ELOVL6: variants seen among roughly 807,000 people sequenced by gnomAD.
The protein encoded by ELOVL6 is ELOVL fatty acid elongase 6, also known as very long chain fatty acid elongase 6.
In ELOVL6, 8 loss-of-function variants were observed where a neutral mutation model predicts 31.7. The ratio of observed to expected loss-of-function variants is 0.25; its 90% CI spans 0.15 to 0.45. The LOEUF is 0.45. Among genes scored for constraint, ELOVL6 ranks in the 20% least tolerant of loss-of-function variants. The pLI is 1.00. For missense variants in ELOVL6, 126 were observed against 326.4 expected, an observed-to-expected ratio of 0.39 and a Z score of 4.73; for synonymous variants, 101 against 117.7, an observed-to-expected ratio of 0.86 and a Z score of 0.92.
At chr4:110,084,146 GATAT>G (rs1181726024) in intron 2 of ELOVL6, among the ~76,000 whole-genome samples, 1 of 64,770 alleles carries the variant, frequency 1.5e-5, no homozygotes, top group East Asian at 5.8e-4. Context: ...TGATATATAT[GATAT>G]ATATAACATA....
At chr4:110,124,650 C>T (rs1333491292) in intron 1 of ELOVL6, among the ~76,000 whole-genome samples, 1 of 151,832 alleles carries the variant, frequency 6.6e-6, no homozygotes, top group Non-Finnish European at 1.5e-5. Context: ...AGCAAACCAC[C>T]ATGGCACATG....
chr4:110,159,774 C>T (rs1323589044), intron 1 of ELOVL6, among the ~76,000 whole-genome samples: 1 of 152,186 alleles, frequency 6.6e-6, no homozygotes, highest in Non-Finnish European at 1.5e-5. Context: ...ACACTTTCAA[C>T]AGCACATTTC....
At chr4:110,139,606 G>A (rs965724623) in intron 1 of ELOVL6, among the ~76,000 whole-genome samples, 1 of 152,074 alleles carries the variant, frequency 6.6e-6, no homozygotes, top group Admixed American at 6.6e-5. Context: ...GGAGAGAATT[G>A]CTATATAGCT....
intron 1 of ELOVL6, among the ~76,000 whole-genome samples, chr4:110,166,488 C>CT (rs962083689): frequency 6.6e-6 from 1 of 152,072 alleles, no homozygotes; most frequent in Non-Finnish European, 1.5e-5. Flanking sequence ...GGTACGCGCC[C>CT]TGTAGTCCCA....
At chr4:110,054,416 AACGCAG>A (rs1341138620) in intron 3 of ELOVL6, among the ~76,000 whole-genome samples, 4 of 152,210 alleles carry the variant, frequency 2.6e-5, no homozygotes, top group Non-Finnish European at 5.9e-5. Context: ...TGTGGACAAT[AACGCAG>A]ACACAATCAA....
At chr4:110,073,783 G>A (rs62325299) in intron 2 of ELOVL6, among the ~76,000 whole-genome samples, 36,132 of 152,126 alleles carry the variant, frequency 0.24, 4,470 homozygotes, top group Non-Finnish European at 0.26. Context: ...AGGAAAAGCC[G>A]GTTTCCATCT....
intron 1 of ELOVL6, among the ~76,000 whole-genome samples, chr4:110,119,083 TA>T (rs1690341469): frequency 6.6e-6 from 1 of 151,996 alleles, no homozygotes; most frequent in African/African-American, 2.4e-5. Flanking sequence ...TTAAAATTAA[TA>T]AAAATTGAGA....
intron 1 of ELOVL6, among the ~76,000 whole-genome samples, chr4:110,157,599 A>T (rs1439480527): frequency 6.6e-6 from 1 of 151,914 alleles, no homozygotes; most frequent in Non-Finnish European, 1.5e-5. Flanking sequence ...TGAACCTGGG[A>T]GGCGGAGGTT....
intron 1 of ELOVL6, among the ~76,000 whole-genome samples, chr4:110,184,533 G>A (rs1328005374): frequency 4.6e-5 from 7 of 152,108 alleles, no homozygotes; most frequent in Admixed American, 4.6e-4. Context: ...TTAAAACAAC[G>A]GGAAACCACT....
At chr4:110,119,079 T>A (rs573952212) in intron 1 of ELOVL6, among the ~76,000 whole-genome samples, 8 of 152,196 alleles carry the variant, frequency 5.3e-5, no homozygotes, top group Non-Finnish European at 2.9e-5. Flanking sequence ...TTAATTAAAA[T>A]TAATAAAAAT....
intron 1 of ELOVL6, among the ~76,000 whole-genome samples, chr4:110,117,389 T>C (rs1757196992): frequency 6.6e-6 from 1 of 152,212 alleles, no homozygotes; most frequent in African/African-American, 2.4e-5. Context: ...ACACTCAGGC[T>C]GAATTGCTTC....
chr4:110,198,074 A>AACC (rs1759868231), intron 1 of ELOVL6, 173 bp downstream of exon 1: 1 of 392,600 alleles, frequency 2.5e-6, no homozygotes, highest in Non-Finnish European at 4.7e-6. Flanking sequence ...CGCTTCATGT[A>AACC]CCCCCCCCCC....
chr4:110,093,789 A>AC (rs1756488479), intron 2 of ELOVL6, among the ~76,000 whole-genome samples: 1 of 152,194 alleles, frequency 6.6e-6, no homozygotes, highest in African/African-American at 2.4e-5. Context: ...CCACAGAAGT[A>AC]ATACATACAG....
At chr4:110,060,979 G>A (rs1755119955) in intron 2 of ELOVL6, among the ~76,000 whole-genome samples, 1 of 152,220 alleles carries the variant, frequency 6.6e-6, no homozygotes, top group Non-Finnish European at 1.5e-5. Flanking sequence ...ACTTTCTACA[G>A]TATCAAAATA....
intron 2 of ELOVL6, among the ~76,000 whole-genome samples, chr4:110,083,892 A>C (rs1039017741): frequency 9.4e-5 from 13 of 138,656 alleles, no homozygotes; most frequent in Non-Finnish European, 7.6e-5. Flanking sequence ...ATATATATAG[A>C]TAATATATAT....
chr4:110,127,760 T>C (rs920454345), intron 1 of ELOVL6, among the ~76,000 whole-genome samples: 1 of 152,218 alleles, frequency 6.6e-6, no homozygotes, highest in African/African-American at 2.4e-5. Context: ...GACTTTTGAT[T>C]CATTCATTCT....
rs191607470 is a variant in ELOVL6 at position 110,134,973 on chromosome 4, T to C, written c.90-29345A>G. On this transcript the variant is annotated intron_variant, in intron 1 of 3. Coordinates refer to ENST00000302274, the MANE Select transcript of ELOVL6 (RefSeq NM_024090.3). ...CTGTCTCCAGAAAAAAAAGTGATGA[T>C]GTAGGACATAAGGTGGAAGAGGAAC... 5.3e-5 allele frequency among the ~76,000 whole-genome samples: 8 copies of C among 152,114 alleles called. No homozygotes were observed. The East Asian group carries it at 1.2e-3, about 22-fold the overall frequency.
At chr4:110,082,070 C>T (rs959495858) in intron 2 of ELOVL6, among the ~76,000 whole-genome samples, 1 of 146,126 alleles carries the variant, frequency 6.8e-6, no homozygotes, top group African/African-American at 2.5e-5. Flanking sequence ...GTTAGAATGG[C>T]AATCATTAAA....
intron 2 of ELOVL6, among the ~76,000 whole-genome samples, chr4:110,072,488 TGTACTA>T (rs755870128): frequency 2.6e-4 from 39 of 152,214 alleles, no homozygotes; most frequent in Admixed American, 1.8e-3. Context: ...AAAAATCCTT[TGTACTA>T]GTATTTCTAG....
Sources: gnomAD v4.1 joint callset for allele counts (sites outside exome capture counted in the v4.1 genomes callset) on GRCh38, gnomAD v4.1.1 for gene constraint, MANE v1.5 for transcripts, NCBI Gene and HGNC (gene_info 2026-07-23, HGNC 2026-07-21) for gene names.